The following JAZF1 variants were observed in gnomAD, a reference collection of about 807,000 sequenced individuals.
JAZF1 encodes JAZF zinc finger 1, also known as juxtaposed with another zinc finger protein 1.
In JAZF1, 8 loss-of-function variants were observed where a neutral mutation model predicts 26.4. The ratio of observed to expected loss-of-function variants is 0.30; its 90% CI spans 0.18 to 0.55. JAZF1 has a LOEUF of 0.55. Ranked by LOEUF, JAZF1 falls within the 20% of genes least tolerant of loss-of-function variation. JAZF1 has a pLI of 0.94. For synonymous variants in JAZF1, 126 were observed against 122.3 expected, an observed-to-expected ratio of 1.03 and a Z score of -0.20; for missense variants, 199 against 322.0, an observed-to-expected ratio of 0.62 and a Z score of 2.92.
At chr7:27,909,002 TATTCATTC>T (rs71555720) in intron 2 of JAZF1, among the ~76,000 whole-genome samples, 4 of 151,052 alleles carry the variant, frequency 2.6e-5, no homozygotes, top group Non-Finnish European at 4.4e-5. Context: ...ACTTGAATAA[TATTCATTC>T]ATTCATTCAT....
chr7:28,103,064 T>C (rs1237856226), intron 1 of JAZF1, among the ~76,000 whole-genome samples: 1 of 152,156 alleles, frequency 6.6e-6, no homozygotes, highest in African/African-American at 2.4e-5. Context: ...GTGGCAACAC[T>C]TGCTAGGGAT....
intron 2 of JAZF1, among the ~76,000 whole-genome samples, chr7:27,958,033 AATT>A (rs1406968452): frequency 1.3e-5 from 2 of 152,142 alleles, no homozygotes; most frequent in East Asian, 1.9e-4. Flanking sequence ...GAGAACTGGA[AATT>A]ATTATTATTT....
chr7:28,002,330 G>A (rs1782614280), intron 1 of JAZF1, among the ~76,000 whole-genome samples: 1 of 152,148 alleles, frequency 6.6e-6, no homozygotes, highest in Non-Finnish European at 1.5e-5. Context: ...AAGACGGGGG[G>A]GAAAAAAGAA....
At chr7:27,905,868 T>C (rs895211518) in intron 2 of JAZF1, among the ~76,000 whole-genome samples, 2 of 152,140 alleles carry the variant, frequency 1.3e-5, no homozygotes, top group African/African-American at 4.8e-5. Flanking sequence ...TAACAGAACA[T>C]AGGAAAAATC....
intron 4 of JAZF1, among the ~76,000 whole-genome samples, chr7:27,838,374 A>C (rs1782857844): frequency 6.6e-6 from 1 of 152,174 alleles, no homozygotes. Flanking sequence ...TCCTTCTCCC[A>C]TTCCCTGCTC....
intron 2 of JAZF1, among the ~76,000 whole-genome samples, chr7:27,988,305 C>G (rs1785778077): frequency 6.6e-6 from 1 of 151,804 alleles, no homozygotes; most frequent in Non-Finnish European, 1.5e-5. Flanking sequence ...ATAAGTAAGG[C>G]TTTGACAACC....
intron 2 of JAZF1, among the ~76,000 whole-genome samples, chr7:27,986,302 A>G (rs952907856): frequency 9.8e-5 from 15 of 152,344 alleles, no homozygotes; most frequent in Admixed American, 5.9e-4. Flanking sequence ...AATCACAAGC[A>G]TTCCTATACA....
At chr7:28,139,526 T>C (rs1216466340) in intron 1 of JAZF1, among the ~76,000 whole-genome samples, 4 of 151,870 alleles carry the variant, frequency 2.6e-5, no homozygotes, top group Non-Finnish European at 4.4e-5. Context: ...AAGACTGGAG[T>C]TATGCTGACA....
intron 1 of JAZF1, among the ~76,000 whole-genome samples, chr7:28,147,678 T>C (rs909499443): frequency 7.2e-6 from 1 of 138,332 alleles, no homozygotes; most frequent in African/African-American, 2.9e-5. Context: ...CAAAACCCCA[T>C]CTCTACCAAA....
At chr7:28,136,017 T>C (rs906882979) in intron 1 of JAZF1, among the ~76,000 whole-genome samples, 1 of 152,212 alleles carries the variant, frequency 6.6e-6, no homozygotes, top group Non-Finnish European at 1.5e-5. Flanking sequence ...CCATTCTCCA[T>C]GTTTCACTTC....
intron 3 of JAZF1, among the ~76,000 whole-genome samples, chr7:27,846,940 G>A (rs928637140): frequency 1.3e-5 from 2 of 151,858 alleles, no homozygotes; most frequent in African/African-American, 4.8e-5. Context: ...CTGTGCAGAA[G>A]CTTTTTAGTT....
chr7:28,163,732 T>C (rs1345575227), intron 1 of JAZF1, among the ~76,000 whole-genome samples: 1 of 152,208 alleles, frequency 6.6e-6, no homozygotes, highest in African/African-American at 2.4e-5. Flanking sequence ...TTACAACATA[T>C]GCGTCCCAAG....
At chr7:28,019,171 C>G (rs1361812393) in intron 1 of JAZF1, among the ~76,000 whole-genome samples, 1 of 152,192 alleles carries the variant, frequency 6.6e-6, no homozygotes, top group Admixed American at 6.5e-5. Context: ...ATTTTCCCTA[C>G]CAAATCTTTC....
chr7:27,943,523 G>C (rs950573265), intron 2 of JAZF1, among the ~76,000 whole-genome samples: 2 of 152,146 alleles, frequency 1.3e-5, no homozygotes, highest in Admixed American at 6.5e-5. Context: ...CCGACACCTC[G>C]GGCCCACTTC....
intron 1 of JAZF1, among the ~76,000 whole-genome samples, chr7:28,110,504 A>AAAGGAAAGGAAAGGAAAGG (rs1491046025): frequency 1.3e-5 from 1 of 78,578 alleles, no homozygotes; most frequent in Non-Finnish European, 2.2e-5. Flanking sequence ...AAAGGAAAGG[A>AAAGGAAAGGAAAGGAAAGG]AAAGGAAAGG....
intron 1 of JAZF1, among the ~76,000 whole-genome samples, chr7:28,170,291 T>C (rs921296213): frequency 6.6e-6 from 1 of 151,078 alleles, no homozygotes; most frequent in Admixed American, 6.6e-5. Context: ...CTGAACATAA[T>C]TACATGATTT....
intron 1 of JAZF1, among the ~76,000 whole-genome samples, chr7:28,145,973 C>T (rs886664): frequency 0.11 from 16,246 of 152,184 alleles, 1,406 homozygotes; most frequent in East Asian, 0.47. Context: ...CTTTTTATTG[C>T]TGAGTAGTAT....
chr7:27,902,186 C>A (rs1489342926), intron 2 of JAZF1, among the ~76,000 whole-genome samples: 4 of 152,148 alleles, frequency 2.6e-5, no homozygotes, highest in African/African-American at 9.7e-5. Context: ...CTGCCCCAGA[C>A]CCTAATGGGG....
At chr7:27,971,415 G>A (rs1028398491) in intron 2 of JAZF1, among the ~76,000 whole-genome samples, 1 of 152,202 alleles carries the variant, frequency 6.6e-6, no homozygotes, top group Admixed American at 6.5e-5. Flanking sequence ...GGGAGGAAAT[G>A]AGAACAAGTA....
Sources: allele counts gnomAD v4.1 joint callset (sites outside exome capture counted in the v4.1 genomes callset), GRCh38; gene constraint gnomAD v4.1.1; transcripts MANE v1.5; gene names NCBI Gene and HGNC (gene_info 2026-07-23, HGNC 2026-07-21).